The following DAB1 variants were observed in gnomAD, a reference collection of about 807,000 sequenced individuals.
DAB1 encodes the protein DAB adaptor protein 1, also known as disabled homolog 1.
In DAB1, 15 loss-of-function variants were observed where a neutral mutation model predicts 64.6. That is an observed-to-expected ratio of 0.23 (90% CI 0.16 to 0.36). The LOEUF is 0.36. Ranked by LOEUF, DAB1 falls within the 10% of genes least tolerant of loss-of-function variation. The pLI is 1.00. For synonymous variants in DAB1, 235 were observed against 251.9 expected (o/e 0.93, Z 0.64); for missense variants, 596 against 706.7 (o/e 0.84, Z 1.78).
chr1:57,377,548 A>C (rs1424098637), intron 1 of DAB1, among the ~76,000 whole-genome samples: 1 of 152,208 alleles, frequency 6.6e-6, no homozygotes, highest in African/African-American at 2.4e-5. Context: ...AGCTCCTGCT[A>C]CTGTGGCCAA....
At chr1:58,427,528 T>G (rs987158801) in intron 3 of DAB1, among the ~76,000 whole-genome samples, 1 of 152,150 alleles carries the variant, frequency 6.6e-6, no homozygotes, top group African/African-American at 2.4e-5. Flanking sequence ...GTGGCAGCAG[T>G]GCAGCTGGTT....
intron 3 of DAB1, among the ~76,000 whole-genome samples, chr1:58,370,374 C>CGCGT (rs1450544230): frequency 6.9e-6 from 1 of 144,460 alleles, no homozygotes; most frequent in Non-Finnish European, 1.5e-5. Context: ...TGAGTGTGTG[C>CGCGT]GTGTGTGTGT....
At chr1:57,211,471 T>C (rs1666001323) in intron 2 of DAB1, among the ~76,000 whole-genome samples, 1 of 152,120 alleles carries the variant, frequency 6.6e-6, no homozygotes, top group South Asian at 2.1e-4. Context: ...GGCTGGGAAG[T>C]GAGAGGTGCT....
At chr1:58,138,576 G>A (rs912240907) in intron 5 of DAB1, among the ~76,000 whole-genome samples, 1 of 152,106 alleles carries the variant, frequency 6.6e-6, no homozygotes, top group East Asian at 1.9e-4. Context: ...TGGGGCACTG[G>A]GCTTGAAAGA....
chr1:57,300,061 C>T (rs1207866400), intron 1 of DAB1, among the ~76,000 whole-genome samples: 1 of 152,146 alleles, frequency 6.6e-6, no homozygotes, highest in African/African-American at 2.4e-5. Flanking sequence ...GTCCCAACCC[C>T]GAGTGGGAAT....
At chr1:58,085,544 T>G (rs1287477082) in intron 5 of DAB1, among the ~76,000 whole-genome samples, 1 of 151,892 alleles carries the variant, frequency 6.6e-6, no homozygotes, top group Non-Finnish European at 1.5e-5. Flanking sequence ...TTCAAAAACT[T>G]TTGCATAGAG....
intron 4 of DAB1, among the ~76,000 whole-genome samples, chr1:58,189,721 C>T (rs1657283536): frequency 6.6e-6 from 1 of 152,202 alleles, no homozygotes; most frequent in Admixed American, 6.5e-5. Context: ...AAGTCACGGA[C>T]TTGGCAACAT....
chr1:58,181,834 G>A (rs546029176), intron 4 of DAB1, among the ~76,000 whole-genome samples: 1 of 152,048 alleles, frequency 6.6e-6, no homozygotes, highest in African/African-American at 2.4e-5. Flanking sequence ...TCAGTTATGA[G>A]AAAAGAAACA....
At chr1:57,795,322 C>T (rs7552143) in intron 6 of DAB1, among the ~76,000 whole-genome samples, 62,703 of 151,824 alleles carry the variant, frequency 0.41, 13,458 homozygotes, top group African/African-American at 0.53. Flanking sequence ...TATTTGAGCA[C>T]TAGAACTCTT....
intron 1 of DAB1, among the ~76,000 whole-genome samples, chr1:57,416,302 G>A (rs1378238559): frequency 3.3e-5 from 5 of 152,174 alleles, no homozygotes; most frequent in African/African-American, 1.2e-4. Flanking sequence ...TGGCATGATA[G>A]TATCTAATAA....
intron 4 of DAB1, among the ~76,000 whole-genome samples, chr1:58,286,851 A>G (rs1661697431): frequency 6.6e-6 from 1 of 152,356 alleles, no homozygotes; most frequent in South Asian, 2.1e-4. Context: ...TCATTTTATT[A>G]TAAAGATAGA....
chr1:57,739,976 C>T (rs1368909950), intron 6 of DAB1, among the ~76,000 whole-genome samples: 1 of 147,030 alleles, frequency 6.8e-6, no homozygotes, highest in Non-Finnish European at 1.5e-5. Context: ...AGGTGGATCA[C>T]TTGAGGCTGG....
At chr1:57,576,108 A>G (rs771120362) in intron 7 of DAB1, among the ~76,000 whole-genome samples, 46 of 152,158 alleles carry the variant, frequency 3.0e-4, no homozygotes, top group African/African-American at 8.0e-4. Flanking sequence ...CGTACTTCAC[A>G]TTTTAGATTT....
At chr1:57,872,465 A>C (rs1413862361) in intron 1 of DAB1, among the ~76,000 whole-genome samples, 1 of 152,192 alleles carries the variant, frequency 6.6e-6, no homozygotes, top group Non-Finnish European at 1.5e-5. Context: ...AGCCTTTAGA[A>C]CTGTGAGAAA....
intron 3 of DAB1, among the ~76,000 whole-genome samples, chr1:58,429,636 T>C (rs1036378049): frequency 6.6e-6 from 1 of 151,634 alleles, no homozygotes; most frequent in Non-Finnish European, 1.5e-5. Flanking sequence ...AGTTTATAGA[T>C]AGAGAGAGAG....
chr1:57,100,366 C>T (rs930399167), intron 4 of DAB1, among the ~76,000 whole-genome samples: 1 of 152,136 alleles, frequency 6.6e-6, no homozygotes, highest in Non-Finnish European at 1.5e-5. Flanking sequence ...AAAAATCAGA[C>T]AAGTAGCTAT....
intron 4 of DAB1, among the ~76,000 whole-genome samples, chr1:57,072,997 T>C (rs1425307922): frequency 6.6e-6 from 1 of 152,164 alleles, no homozygotes; most frequent in African/African-American, 2.4e-5. Flanking sequence ...CATTGGTAGA[T>C]CTCTCTGCCT....
chr1:58,206,534 A>C (rs1238531028), intron 4 of DAB1, among the ~76,000 whole-genome samples: 1 of 152,186 alleles, frequency 6.6e-6, no homozygotes, highest in East Asian at 1.9e-4. Context: ...CCCAGTGAGA[A>C]TACTTTACCA....
intron 5 of DAB1, among the ~76,000 whole-genome samples, chr1:58,126,344 A>G (rs942489723): frequency 3.3e-5 from 5 of 152,150 alleles, no homozygotes; most frequent in Admixed American, 1.3e-4. Context: ...GGGTAGGGGG[A>G]AACCCTTTGA....
Sources: allele counts gnomAD v4.1 joint callset (sites outside exome capture counted in the v4.1 genomes callset), GRCh38; gene constraint gnomAD v4.1.1; transcripts MANE v1.5; gene names NCBI Gene and HGNC (gene_info 2026-07-23, HGNC 2026-07-21).